The following MPP7 variants were observed in gnomAD, a reference collection of about 807,000 sequenced individuals.
MPP7 encodes MAGUK p55 subfamily member 7.
A neutral mutation model predicts 76.5 loss-of-function variants in MPP7; 60 were observed. The ratio of observed to expected loss-of-function variants is 0.78; its 90% CI spans 0.64 to 0.97. The LOEUF (loss-of-function observed/expected upper bound fraction) is 0.97. Ranked by LOEUF, MPP7 falls within the 50% of genes least tolerant of loss-of-function variation. The probability of loss-of-function intolerance (pLI) is 0.00; values close to 1 mark genes in which losing one functional copy is unlikely to be tolerated. For missense variants in MPP7, 641 were observed against 694.0 expected (o/e 0.92, Z 0.86); for synonymous variants, 237 against 244.5 (o/e 0.97, Z 0.29).
intron 11 of MPP7, among the ~76,000 whole-genome samples, chr10:28,091,393 T>C (rs958419192): frequency 6.6e-6 from 1 of 151,884 alleles, no homozygotes; most frequent in Non-Finnish European, 1.5e-5. Context: ...GTTGAAGTGA[T>C]TCCCCTGCCT....
intron 2 of MPP7, among the ~76,000 whole-genome samples, chr10:28,231,504 AGAG>A (rs1392451240): frequency 2.6e-5 from 4 of 151,964 alleles, no homozygotes; most frequent in South Asian, 2.1e-4. Flanking sequence ...CACAAAATTA[AGAG>A]GAGAGAGGAA....
chr10:28,311,274 T>A (rs778540586), intron 2 of MPP7, among the ~76,000 whole-genome samples: 8 of 152,178 alleles, frequency 5.3e-5, no homozygotes, highest in Non-Finnish European at 1.2e-4. Context: ...AGGACTTCTG[T>A]ATGTAAACTG....
Position 28,097,727 on chromosome 10 carries a change from T to C in MPP7, c.953-7886A>G, listed in dbSNP as rs368585124. Reference sequence around the variant, plus strand: ...AGGGATTAAAAACATAATTTTTTCCTGATAGAAGACGTTTTCCAAATAAGG... The same window carrying C: ...AGGGATTAAAAACATAATTTTTTCCCGATAGAAGACGTTTTCCAAATAAGG... On this transcript the variant is annotated intron_variant, in intron 11 of 16. Coordinates refer to ENST00000683449, the MANE Select transcript of MPP7 (RefSeq NM_001318170.2). Among the ~76,000 whole-genome samples, 16 of 152,316 alleles carry C rather than the reference T, an allele frequency of 1.1e-4. 2 individuals are homozygous for C. In the South Asian group the frequency reaches 3.1e-3, roughly 30 times the overall value.
intron 1 of MPP7, among the ~76,000 whole-genome samples, chr10:28,295,566 T>C (rs1348037952): frequency 6.6e-6 from 1 of 152,192 alleles, no homozygotes; most frequent in Non-Finnish European, 1.5e-5. Context: ...AAAAAGAAGT[T>C]ACAACCCCGA....
At chr10:28,302,474 T>C (rs1307584296) in intron 1 of MPP7, among the ~76,000 whole-genome samples, 7 of 152,224 alleles carry the variant, frequency 4.6e-5, no homozygotes, top group Non-Finnish European at 1.0e-4. Flanking sequence ...AGCCAGCTTA[T>C]CGCTCCCTTT....
At chr10:28,313,190 G>A (rs947727522) in intron 2 of MPP7, among the ~76,000 whole-genome samples, 3 of 152,134 alleles carry the variant, frequency 2.0e-5, no homozygotes, top group African/African-American at 7.2e-5. Flanking sequence ...TGATACATAT[G>A]AGTGCAAATT....
chr10:28,122,696 T>A (rs1038969746), intron 8 of MPP7, among the ~76,000 whole-genome samples: 2 of 152,206 alleles, frequency 1.3e-5, no homozygotes, highest in Non-Finnish European at 2.9e-5. Flanking sequence ...TATGCACTGC[T>A]GATTTTTCTG....
chr10:28,155,063 T>C (rs1430107096), intron 3 of MPP7, among the ~76,000 whole-genome samples: 1 of 152,166 alleles, frequency 6.6e-6, no homozygotes, highest in Non-Finnish European at 1.5e-5. Flanking sequence ...TAACAAACAT[T>C]AAAACTGTAA....
intron 2 of MPP7, among the ~76,000 whole-genome samples, chr10:28,308,287 C>T (rs1841270664): frequency 6.6e-6 from 1 of 152,198 alleles, no homozygotes; most frequent in African/African-American, 2.4e-5. Context: ...CTCTCTCCAC[C>T]ACTGCCCCAC....
intron 11 of MPP7, among the ~76,000 whole-genome samples, chr10:28,107,802 G>A (rs1834371384): frequency 6.6e-6 from 1 of 152,120 alleles, no homozygotes; most frequent in African/African-American, 2.4e-5. Flanking sequence ...CAGGCCAGAA[G>A]AACCACACTG....
At chr10:28,152,949 A>AT (rs11425871) in intron 3 of MPP7, among the ~76,000 whole-genome samples, 44,692 of 151,924 alleles carry the variant, frequency 0.29, 8,486 homozygotes, top group East Asian at 0.81. Context: ...TGCAGATTCA[A>AT]GACATAATAA....
chr10:28,266,376 T>C (rs748776755), intron 1 of MPP7, among the ~76,000 whole-genome samples: 8 of 152,134 alleles, frequency 5.3e-5, no homozygotes, highest in Non-Finnish European at 1.0e-4. Context: ...GTCCTCAAAT[T>C]GTAACATCAA....
intron 5 of MPP7, among the ~76,000 whole-genome samples, chr10:28,146,386 G>GT (rs1000265081): frequency 2.9e-3 from 412 of 139,696 alleles, no homozygotes; most frequent in East Asian, 0.02. Context: ...GTCCACGCAT[G>GT]TTTTTTTTTT....
chr10:28,099,575 C>A (rs144025808), intron 11 of MPP7, among the ~76,000 whole-genome samples: 1,836 of 152,174 alleles, frequency 0.012, 53 homozygotes, highest in East Asian at 0.11. Context: ...GAGGCCGAGG[C>A]GGGTGGATCA....
intron 3 of MPP7, among the ~76,000 whole-genome samples, chr10:28,162,797 A>C (rs1466544291): frequency 6.6e-6 from 1 of 152,138 alleles, no homozygotes; most frequent in Non-Finnish European, 1.5e-5. Context: ...ATCAGGTTAT[A>C]AAACACCGTG....
intron 1 of MPP7, among the ~76,000 whole-genome samples, chr10:28,246,141 T>C (rs1456591545): frequency 6.6e-6 from 1 of 152,006 alleles, no homozygotes; most frequent in Non-Finnish European, 1.5e-5. Context: ...CCAAAGATAC[T>C]CATGCTAAGA....
chr10:28,231,826 C>A (rs1046944167), intron 2 of MPP7, among the ~76,000 whole-genome samples: 1 of 152,134 alleles, frequency 6.6e-6, no homozygotes, highest in Non-Finnish European at 1.5e-5. Context: ...CAATCTTTCA[C>A]AGACTCTTCC....
upstream of MPP7, among the ~76,000 whole-genome samples, chr10:28,335,123 G>A (rs1197022626): frequency 6.6e-6 from 1 of 152,214 alleles, no homozygotes; most frequent in Non-Finnish European, 1.5e-5. Context: ...GTTCCTCATG[G>A]CACTGAACTC....
intron 1 of MPP7, among the ~76,000 whole-genome samples, chr10:28,286,770 C>G (rs1840799882): frequency 6.6e-6 from 1 of 151,948 alleles, no homozygotes; most frequent in African/African-American, 2.4e-5. Flanking sequence ...GTGGCACCAC[C>G]AGTATAGGTC....
Sources: allele counts gnomAD v4.1 joint callset (sites outside exome capture counted in the v4.1 genomes callset), GRCh38; gene constraint gnomAD v4.1.1; transcripts MANE v1.5; gene names NCBI Gene and HGNC (gene_info 2026-07-23, HGNC 2026-07-21).